ADGB: variants seen among roughly 807,000 people sequenced by gnomAD.
The protein encoded by ADGB is calpain-7-like protein.
ADGB carries 172 observed loss-of-function variants against 210.5 expected under a neutral mutation model. The ratio of observed to expected loss-of-function variants is 0.82; its 90% CI spans 0.72 to 0.93. ADGB has a LOEUF of 0.93. Ranked by LOEUF, ADGB falls within the 40% of genes least tolerant of loss-of-function variation. The probability of loss-of-function intolerance (pLI) is 0.00; values close to 1 mark genes in which losing one functional copy is unlikely to be tolerated. For synonymous variants in ADGB, 658 were observed against 662.7 expected, an observed-to-expected ratio of 0.99 and a Z score of 0.11; for missense variants, 2,025 against 1,964.8, an observed-to-expected ratio of 1.03 and a Z score of -0.58.
At chr6:146,698,406 T>C (rs1490254852) in intron 12 of ADGB, among the ~76,000 whole-genome samples, 2 of 152,226 alleles carry the variant, frequency 1.3e-5, no homozygotes, top group African/African-American at 4.8e-5. Context: ...TTTAGATCTG[T>C]ACCGTGTTCA....
At chr6:146,807,552 G>A in intron 35 of ADGB, 1 of 1,542,404 alleles carries the variant, frequency 6.5e-7, no homozygotes, top group South Asian at 1.2e-5. Context: ...CCCAGCTCCT[G>A]ACACACAGAA....
Position 146,815,265 on chromosome 6 carries a change from T to G in ADGB, c.*48T>G. Reference sequence around the variant, plus strand: ...CTGCTTCTGGAGAGAAAAAATCTATTTGTAATGATCTTTAACTGCCTGCTG... The same window carrying G: ...CTGCTTCTGGAGAGAAAAAATCTATGTGTAATGATCTTTAACTGCCTGCTG... On this transcript the variant is annotated 3_prime_UTR_variant, in exon 36 of 36. Coordinates refer to ENST00000397944, the MANE Select transcript of ADGB (RefSeq NM_024694.4). 7.2e-7 allele frequency: 1 copy of G among 1,393,378 alleles called. No homozygotes were observed. Among genetic ancestry groups the G allele is most frequent in the East Asian group, 2.8e-5 (1 of 35,958 alleles). 86.3% of individuals were successfully genotyped at this position (1,393,378 alleles called of 1,614,324 possible).
intron 28 of ADGB, 91 bp downstream of exon 28, chr6:146,764,191 TG>T (rs1777542109): frequency 2.7e-6 from 3 of 1,115,908 alleles, no homozygotes; most frequent in Middle Eastern, 2.6e-4. Flanking sequence ...CAATATACAG[TG>T]TGCAGTGCTG....
At chr6:146,715,289 T>A in intron 13 of ADGB, 93 bp from the exon 14 acceptor site, 1 of 1,118,526 alleles carries the variant, frequency 8.9e-7, no homozygotes, top group Non-Finnish European at 1.3e-6. Context: ...CTTCAAAGTT[T>A]AAAAAAACTA....
At chr6:146,745,879 A>G in intron 25 of ADGB, 43 bp from the exon 26 acceptor site, 7 of 1,448,496 alleles carry the variant, frequency 4.8e-6, no homozygotes, top group Non-Finnish European at 6.5e-6. Flanking sequence ...CGATAGAATA[A>G]TAACGACATA....
At chr6:146,791,921 CTT>C (rs66891404) in intron 33 of ADGB, among the ~76,000 whole-genome samples, 8,425 of 112,536 alleles carry the variant, frequency 0.075, 262 homozygotes, top group Middle Eastern at 0.12. Context: ...CTGCACCTTG[CTT>C]TTTTTTTTTT....
chr6:146,675,113 G>A (rs934494422), intron 8 of ADGB, among the ~76,000 whole-genome samples: 1 of 151,968 alleles, frequency 6.6e-6, no homozygotes, highest in Admixed American at 6.6e-5. Flanking sequence ...TGAAGTTATA[G>A]TTATCTTTAC....
chr6:146,801,012 A>G (rs368378796), intron 33 of ADGB, among the ~76,000 whole-genome samples, 171 bp from the exon 34 acceptor site: 13 of 151,668 alleles, frequency 8.6e-5, no homozygotes, highest in African/African-American at 3.1e-4. Context: ...TAAACAAAAT[A>G]TAAGCATATA....
intron 3 of ADGB, among the ~76,000 whole-genome samples, chr6:146,648,242 G>C (rs1410672226): frequency 6.6e-6 from 1 of 151,602 alleles, no homozygotes; most frequent in East Asian, 1.9e-4. Flanking sequence ...TTTAGAGATA[G>C]GATCTCACTA....
chr6:146,809,942 G>C, intron 35 of ADGB, among the ~76,000 whole-genome samples: 1 of 151,622 alleles, frequency 6.6e-6, no homozygotes, highest in Non-Finnish European at 1.5e-5. Context: ...GGCAACAAAA[G>C]CAAACATAAA....
intron 29 of ADGB, among the ~76,000 whole-genome samples, chr6:146,780,252 C>T (rs548067793): frequency 1.3e-5 from 2 of 151,300 alleles, no homozygotes; most frequent in South Asian, 4.3e-4. Flanking sequence ...AAATAAAAAA[C>T]AAGGGAATTA....
intron 1 of ADGB, among the ~76,000 whole-genome samples, chr6:146,627,616 C>T (rs771813098): frequency 2.0e-5 from 3 of 152,074 alleles, no homozygotes; most frequent in East Asian, 1.9e-4. Context: ...TCTGGTTCAG[C>T]GTGAGTCCTC....
At chr6:146,633,174 G>A (rs943515551) in intron 1 of ADGB, among the ~76,000 whole-genome samples, 5 of 151,972 alleles carry the variant, frequency 3.3e-5, no homozygotes, top group East Asian at 3.9e-4. Context: ...GTCTTCTGTC[G>A]ATAAGGAAAT....
chr6:146,689,767 T>C (rs1377588883), intron 10 of ADGB, among the ~76,000 whole-genome samples: 4 of 152,142 alleles, frequency 2.6e-5, no homozygotes, highest in Admixed American at 1.3e-4. Flanking sequence ...TTTCTTTCCA[T>C]TGAAAGAATT....
chr6:146,764,303 C>G (rs1777543752), intron 28 of ADGB, among the ~76,000 whole-genome samples: 1 of 152,068 alleles, frequency 6.6e-6, no homozygotes, highest in African/African-American at 2.4e-5. Context: ...TTAATATGTA[C>G]ATGAATACAT....
chr6:146,665,185 G>A (rs1430954056), intron 6 of ADGB, among the ~76,000 whole-genome samples: 1 of 152,040 alleles, frequency 6.6e-6, no homozygotes, highest in Admixed American at 6.6e-5. Flanking sequence ...TTTGCTCACA[G>A]CTCAGCCCCC....
intron 1 of ADGB, among the ~76,000 whole-genome samples, chr6:146,604,580 G>C (rs781158961): frequency 5.9e-5 from 9 of 151,392 alleles, no homozygotes; most frequent in African/African-American, 1.2e-4. Context: ...AAAAAAAAAA[G>C]ATCAACTTCA....
At chr6:146,794,726 T>G (rs189633441) in intron 33 of ADGB, among the ~76,000 whole-genome samples, 2 of 151,886 alleles carry the variant, frequency 1.3e-5, no homozygotes. Flanking sequence ...TAGAAAAAAA[T>G]TATTAAAATG....
chr6:146,788,273 T>A, intron 32 of ADGB, 116 bp from the exon 33 acceptor site: 1 of 941,976 alleles, frequency 1.1e-6, no homozygotes, highest in South Asian at 1.6e-5. Context: ...TTAGAAGTTA[T>A]AGAGCTTTTG....
Sources: allele counts gnomAD v4.1 joint callset (sites outside exome capture counted in the v4.1 genomes callset), GRCh38; gene constraint gnomAD v4.1.1; transcripts MANE v1.5; gene names NCBI Gene and HGNC (gene_info 2026-07-23, HGNC 2026-07-21).